BTC: variants seen among roughly 807,000 people sequenced by gnomAD.
The protein encoded by BTC is probetacellulin.
Under a neutral mutation model 18.1 loss-of-function variants are expected in BTC, and 13 were observed. The observed-to-expected ratio is 0.72, with a 90% confidence interval of 0.47 to 1.14. The LOEUF is 1.14. Among genes scored for constraint, BTC ranks in the 50% most tolerant of loss-of-function variants. The pLI is 0.00. For missense variants in BTC, 247 were observed against 224.2 expected (o/e 1.10, Z -0.65); for synonymous variants, 83 against 79.4 (o/e 1.05, Z -0.24).
At chr4:74,772,407 T>G (rs1725066208) in intron 1 of BTC, among the ~76,000 whole-genome samples, 1 of 152,142 alleles carries the variant, frequency 6.6e-6, no homozygotes, top group African/African-American at 2.4e-5. Context: ...GCACAGGAAT[T>G]TTATATTACT....
At chr4:74,779,652 T>C (rs1296214328) in intron 1 of BTC, among the ~76,000 whole-genome samples, 2 of 152,124 alleles carry the variant, frequency 1.3e-5, no homozygotes, top group African/African-American at 4.8e-5. Flanking sequence ...AACTGTGGCA[T>C]TGGTTTCTGG....
chr4:74,775,872 G>A (rs930977793), intron 1 of BTC, among the ~76,000 whole-genome samples: 5 of 152,062 alleles, frequency 3.3e-5, no homozygotes, highest in Non-Finnish European at 7.4e-5. Context: ...TAAACATCCC[G>A]GTTCTTTCAA....
intron 4 of BTC, among the ~76,000 whole-genome samples, chr4:74,749,033 T>G (rs1456443595): frequency 1.3e-5 from 2 of 152,186 alleles, no homozygotes; most frequent in Non-Finnish European, 1.5e-5. Context: ...ATCTGACAGA[T>G]TATTTGGTTT....
At chr4:74,762,649 A>G (rs1284943691) in intron 2 of BTC, among the ~76,000 whole-genome samples, 1 of 152,080 alleles carries the variant, frequency 6.6e-6, no homozygotes, top group Admixed American at 6.6e-5. Context: ...GAGGGTGGAA[A>G]GGGGAAAAAT....
chr4:74,748,253 T>A, intron 4 of BTC, 104 bp from the exon 5 acceptor site: 1 of 689,540 alleles, frequency 1.5e-6, no homozygotes, highest in East Asian at 2.9e-5. Context: ...TTTAAAAAAA[T>A]ATTTAGGGTT....
intron 1 of BTC, among the ~76,000 whole-genome samples, chr4:74,775,799 C>T (rs548982964): frequency 2.6e-5 from 4 of 152,332 alleles, no homozygotes; most frequent in East Asian, 1.9e-4. Flanking sequence ...TTTTCCTTGA[C>T]AGATTCTCAT....
chr4:74,787,803 C>T (rs11097468), intron 1 of BTC, among the ~76,000 whole-genome samples: 8,008 of 152,014 alleles, frequency 0.053, 347 homozygotes, highest in Admixed American at 0.12. Flanking sequence ...TTTTTTTTCC[C>T]AGGTGCTGTT....
At chr4:74,780,948 G>A (rs1725308271) in intron 1 of BTC, among the ~76,000 whole-genome samples, 1 of 149,686 alleles carries the variant, frequency 6.7e-6, no homozygotes, top group South Asian at 2.1e-4. Context: ...CAGGGTACAT[G>A]TGCACAATGT....
At chr4:74,748,458 C>A (rs952706792) in intron 4 of BTC, among the ~76,000 whole-genome samples, 2 of 151,944 alleles carry the variant, frequency 1.3e-5, no homozygotes, top group Non-Finnish European at 2.9e-5. Flanking sequence ...ATGGCGTGAA[C>A]CCGGGAGGCG....
intron 3 of BTC, among the ~76,000 whole-genome samples, chr4:74,755,087 T>C (rs989184171): frequency 3.9e-5 from 6 of 152,136 alleles, no homozygotes; most frequent in Admixed American, 1.3e-4. Context: ...TTCATGACCC[T>C]TAAAGTTTCC....
chr4:74,759,144 C>A (rs936189299), intron 2 of BTC, among the ~76,000 whole-genome samples: 5 of 152,102 alleles, frequency 3.3e-5, no homozygotes, highest in Admixed American at 6.6e-5. Flanking sequence ...TTCTGCCCAT[C>A]ATGAGACCTG....
At chr4:74,786,935 C>G (rs151193633) in intron 1 of BTC, among the ~76,000 whole-genome samples, 111 of 151,924 alleles carry the variant, frequency 7.3e-4, no homozygotes, top group Admixed American at 2.8e-3. Context: ...ATCCCTGAAT[C>G]TGGGCTCAGT....
intron 2 of BTC, among the ~76,000 whole-genome samples, chr4:74,764,120 A>G (rs1553957593): frequency 6.6e-6 from 1 of 152,192 alleles, no homozygotes; most frequent in Non-Finnish European, 1.5e-5. Context: ...TATGGATTTG[A>G]GTGGGTGAAC....
In BTC at chr4:74,745,255, A is replaced by G. The variant is rs114729521; in HGVS notation, c.*1422T>C. 3 of 152,344 alleles carry G rather than the reference A, an allele frequency of 2.0e-5. No individual in the cohort carries two copies. The highest frequency in any genetic ancestry group is 7.2e-5 in the African/African-American group (3 of 41,578). The allele number at this position is 152,344 out of a possible 1,614,324, so 9.4% of individuals were successfully genotyped here. ...TTACTAATAGGGGAGCTATTTATGT[A>G]TCATATGTAAGTACAGCCCCAGCTT... On this transcript the variant is annotated 3_prime_UTR_variant, in exon 6 of 6. Transcript: ENST00000395743.
intron 4 of BTC, 125 bp downstream of exon 4, chr4:74,750,448 C>T: frequency 9.8e-7 from 1 of 1,020,152 alleles, no homozygotes; most frequent in Non-Finnish European, 1.4e-6. Flanking sequence ...TGGCAAAGCT[C>T]AAAAAGTAAA....
intron 4 of BTC, among the ~76,000 whole-genome samples, chr4:74,749,152 G>C (rs986171319): frequency 2.6e-5 from 4 of 151,992 alleles, no homozygotes; most frequent in Admixed American, 2.6e-4. Flanking sequence ...TACTCTGGCC[G>C]GGCGCGGTGG....
rs1472318347 is a variant in BTC at position 74,760,224 on chromosome 4, G to T, written c.164-4248C>A. Among the ~76,000 whole-genome samples the T allele has an allele frequency of 2.0e-5, 3 of 152,132 alleles. No individual in the cohort carries two copies. The East Asian group carries it at 5.8e-4, about 29-fold the overall frequency. ...ATAGCCTTATAGTATCTCCAGCTCCGTAGTTAGATGCATAGTTAAATCTCT... is the reference window on the plus strand; with the variant it reads ...ATAGCCTTATAGTATCTCCAGCTCCTTAGTTAGATGCATAGTTAAATCTCT... On this transcript the variant is annotated intron_variant, in intron 2 of 5. Transcript: ENST00000395743.
At chr4:74,762,481 G>T (rs1183304831) in intron 2 of BTC, among the ~76,000 whole-genome samples, 1 of 152,120 alleles carries the variant, frequency 6.6e-6, no homozygotes, top group African/African-American at 2.4e-5. Context: ...ATAAATAGAT[G>T]ATGGATGCTA....
chr4:74,770,076 G>A lies in BTC; in HGVS notation c.145C>T (p.Pro49Ser), dbSNP rs138202155. The A allele has an allele frequency of 2.2e-4, 353 of 1,610,222 alleles. 1 individual carries two copies. The African/African-American group carries it at 4.2e-3, about 19-fold the overall frequency. ...PETNGLLCGD[P>S]EENCAATTTQ... The stretch of plus-strand genomic sequence containing the variant: ...ACTTTACCTGCACAGTTTTCCTCAG[G>A]GTCTCCACAGAGGAGGCCATTAGTT... The change falls in exon 2 of 6, where the codon CCT becomes TCT. Residue 49 changes from proline to serine, a missense_variant. By Grantham distance (74) the Pro-to-Ser change is moderately conservative. Transcript: ENST00000395743.
Sources: allele counts gnomAD v4.1 joint callset (sites outside exome capture counted in the v4.1 genomes callset), GRCh38; gene constraint gnomAD v4.1.1; transcripts MANE v1.5; gene names NCBI Gene and HGNC (gene_info 2026-07-23, HGNC 2026-07-21).